Variants in CCDC42 observed in about 807,000 individuals in gnomAD.
The protein encoded by CCDC42 is coiled-coil domain containing 42.
Under a neutral mutation model 40.8 loss-of-function variants are expected in CCDC42, and 38 were observed. The ratio of observed to expected loss-of-function variants is 0.93; its 90% confidence interval spans 0.72 to 1.22. The LOEUF (loss-of-function observed/expected upper bound fraction) is 1.22, where lower values mean the gene tolerates loss of function less well. Ranked by LOEUF, CCDC42 falls within the 50% of genes most tolerant of loss-of-function variation. The pLI, the probability that CCDC42 is intolerant of heterozygous loss-of-function variation, is 0.00. For synonymous variants in CCDC42, 135 were observed against 157.5 expected, an observed-to-expected ratio of 0.86 and a Z score of 1.07; for missense variants, 379 against 416.5, an observed-to-expected ratio of 0.91 and a Z score of 0.78.
chr17:8,734,339 A>C (rs2086597472), intron 6 of CCDC42, among the ~76,000 whole-genome samples: 1 of 152,252 alleles, frequency 6.6e-6, no homozygotes. Flanking sequence ...TGAAATGTTG[A>C]GAATTGCTAC....
intron 2 of CCDC42, 31 bp downstream of exon 2, chr17:8,744,048 G>GC (rs1281233470): frequency 2.0e-6 from 3 of 1,482,208 alleles, no homozygotes; most frequent in African/African-American, 1.4e-5. Context: ...TTCCTTTCCT[G>GC]CCCCTCTGCA....
chr17:8,742,592 G>A (rs1332339757), intron 3 of CCDC42, among the ~76,000 whole-genome samples: 7 of 152,200 alleles, frequency 4.6e-5, no homozygotes, highest in African/African-American at 9.6e-5. Flanking sequence ...ATAGACAGGC[G>A]TATGTGGTGG....
intron 4 of CCDC42, among the ~76,000 whole-genome samples, chr17:8,737,562 C>A (rs1597345162): frequency 6.6e-6 from 1 of 152,112 alleles, no homozygotes; most frequent in East Asian, 1.9e-4. Flanking sequence ...TTTATGAAGT[C>A]CTTTTCTTTA....
In CCDC42 at chr17:8,735,696, G is replaced by T; in HGVS notation, c.493-85C>A. On this transcript the variant is annotated intron_variant, in intron 4 of 6. Transcript: ENST00000293845. The surrounding 1 kb of genome is among the most constrained non-coding windows in gnomAD (Gnocchi z 4.7). Reference sequence around the variant, plus strand: ...AGTCCTGCCAACCTCCAGCCTGGATGCCTGGACACCTGGACACCTGGGCAG... The same window carrying T: ...AGTCCTGCCAACCTCCAGCCTGGATTCCTGGACACCTGGACACCTGGGCAG... The T allele has an allele frequency of 3.4e-6, 4 of 1,189,996 alleles. No individual in the cohort carries two copies. Among genetic ancestry groups the T allele is most frequent in the Non-Finnish European group, 3.5e-6 (3 of 847,504 alleles). The allele number at this position is 1,189,996 out of a possible 1,614,324, so 73.7% of individuals were successfully genotyped here.
At chr17:8,740,603 C>T (rs1486163937) in intron 4 of CCDC42, among the ~76,000 whole-genome samples, 2 of 151,708 alleles carry the variant, frequency 1.3e-5, no homozygotes, top group African/African-American at 4.9e-5. Flanking sequence ...AAGGAGAGGT[C>T]AGAGGTAGGA....
intron 4 of CCDC42, among the ~76,000 whole-genome samples, chr17:8,737,048 GGAAA>G: frequency 8.6e-6 from 1 of 116,610 alleles, no homozygotes; most frequent in South Asian, 2.7e-4. Context: ...AGGAAGGAAG[GGAAA>G]GAAAAAAGAA....
chr17:8,735,585 T>A lies in CCDC42; in HGVS notation c.519A>T (p.Ala173=), dbSNP rs751086836. 6 of 1,613,930 alleles carry A rather than the reference T, an allele frequency of 3.7e-6. No individual in the cohort carries two copies. The East Asian group carries it at 1.1e-4, about 30-fold the overall frequency. ...GCATGCTCACCAGCGTCTTGTAGCG[T>A]GCAATCACCTCATGGATCTCCTCGA... ...SEFEEIHEVI[A]RYKTLVSMRH... is the part of the protein sequence containing the mutation. The change falls in exon 5 of 7, where the codon GCA becomes GCT. Residue 173 remains alanine, a synonymous_variant. Transcript: ENST00000293845. The surrounding 1 kb of genome is among the most constrained non-coding windows in gnomAD (Gnocchi z 4.7).
chr17:8,741,314 C>T (rs1044234201), intron 4 of CCDC42, among the ~76,000 whole-genome samples, 160 bp downstream of exon 4: 10 of 152,302 alleles, frequency 6.6e-5, no homozygotes, highest in Admixed American at 6.5e-4. Context: ...GGTGCATCTC[C>T]TCGGAGCAGG....
chr17:8,744,324 A>C, intron 1 of CCDC42, 140 bp from the exon 2 acceptor site: 2 of 736,418 alleles, frequency 2.7e-6, no homozygotes, highest in Non-Finnish European at 4.6e-6. Flanking sequence ...TGTTGTGTTG[A>C]GAAGCATAGA....
chr17:8,737,072 G>A (rs1270934838), intron 4 of CCDC42, among the ~76,000 whole-genome samples: 1 of 148,860 alleles, frequency 6.7e-6, no homozygotes, highest in Non-Finnish European at 1.5e-5. Context: ...AAAGAAAAAG[G>A]AAAGAAAGAA....
At chr17:8,740,691 C>T (rs1243897490) in intron 4 of CCDC42, among the ~76,000 whole-genome samples, 1 of 152,010 alleles carries the variant, frequency 6.6e-6, no homozygotes, top group South Asian at 2.1e-4. Flanking sequence ...ACGCTGCCCC[C>T]AAGAGGCGCG....
intron 6 of CCDC42, 115 bp downstream of exon 6, chr17:8,734,981 A>G: frequency 8.7e-7 from 1 of 1,148,164 alleles, no homozygotes; most frequent in South Asian, 1.5e-5. Flanking sequence ...GATGTTGTTA[A>G]ATTTTGAGAG....
chr17:8,742,187 A>G (rs1278969895), intron 3 of CCDC42, among the ~76,000 whole-genome samples: 1 of 152,146 alleles, frequency 6.6e-6, no homozygotes, highest in East Asian at 1.9e-4. Context: ...CTCCCGGACC[A>G]GAGCTGGGAG....
chr17:8,733,423 G>A (rs541585430), intron 6 of CCDC42, among the ~76,000 whole-genome samples: 1 of 152,364 alleles, frequency 6.6e-6, no homozygotes, highest in Non-Finnish European at 1.5e-5. Flanking sequence ...AAAATTTGGA[G>A]TGGATGGACT....
At chr17:8,730,341 AT>A (rs2086572796) in intron 6 of CCDC42, 134 bp from the exon 7 acceptor site, 10 of 591,720 alleles carry the variant, frequency 1.7e-5, no homozygotes, top group Non-Finnish European at 2.9e-5. Context: ...TTAAATTTTT[AT>A]TTATTTATTT....
chr17:8,738,305 A>G (rs1054958760), intron 4 of CCDC42, among the ~76,000 whole-genome samples: 4 of 152,194 alleles, frequency 2.6e-5, no homozygotes, highest in Non-Finnish European at 5.9e-5. Flanking sequence ...GAGGTGGGAA[A>G]GTGTGGGGGA....
chr17:8,741,327 G>T, intron 4 of CCDC42, 147 bp downstream of exon 4: 1 of 771,600 alleles, frequency 1.3e-6, no homozygotes, highest in Non-Finnish European at 2.2e-6. Context: ...GGAGCAGGGT[G>T]CCCATCCTGC....
At chr17:8,741,370 C>T in intron 4 of CCDC42, 104 bp downstream of exon 4, 3 of 1,196,070 alleles carry the variant, frequency 2.5e-6, no homozygotes, top group Admixed American at 1.8e-5. Context: ...TCCACAGTCC[C>T]CAGCCAGCTG....
At chr17:8,740,155 G>A (rs1481042393) in intron 4 of CCDC42, among the ~76,000 whole-genome samples, 1 of 152,104 alleles carries the variant, frequency 6.6e-6, no homozygotes, top group African/African-American at 2.4e-5. Flanking sequence ...CATGGGGGAG[G>A]AGATAATGTG....
Sources: allele counts gnomAD v4.1 joint callset (sites outside exome capture counted in the v4.1 genomes callset), GRCh38; gene constraint gnomAD v4.1.1; non-coding constraint Gnocchi (gnomAD v3.1); transcripts MANE v1.5; gene names NCBI Gene and HGNC (gene_info 2026-07-23, HGNC 2026-07-21).